FBLN2: variants seen among roughly 807,000 people sequenced by gnomAD.
The protein encoded by FBLN2 is fibulin 2, also known as fibulin-2.
A neutral mutation model predicts 123.7 loss-of-function variants in FBLN2; 81 were observed. The observed-to-expected ratio is 0.65, with a 90% CI of 0.55 to 0.79. The LOEUF (loss-of-function observed/expected upper bound fraction) is 0.79, where lower values mean the gene tolerates loss of function less well. Among genes scored for constraint, FBLN2 ranks in the 30% least tolerant of loss-of-function variants. The pLI is 0.00. For synonymous variants in FBLN2, 699 were observed against 701.4 expected (o/e 1.00, Z 0.05); for missense variants, 1,603 against 1,681.3 (o/e 0.95, Z 0.81).
Position 13,570,665 on chromosome 3 carries a change from G to T in FBLN2, c.310G>T (p.Gly104Cys). The T allele has an allele frequency of 6.3e-7, 1 of 1,584,070 alleles. No individual in the cohort carries two copies. The highest frequency in any genetic ancestry group is 1.8e-5 in the Admixed American group (1 of 56,446). ...GSTECSCPPG[G>C]GKISCQFMLC... ...CACTGAGTGCTCCTGCCCACCAGGC[G>T]GCGGCAAGATCAGCTGCCAGTTCAT... is the stretch of plus-strand genomic sequence containing the variant. The change falls in exon 2 of 18, where the codon GGC becomes TGC. Residue 104 changes from glycine to cysteine, a missense_variant. By Grantham distance (159) the Gly-to-Cys change is radical. Coordinates refer to ENST00000404922, the MANE Select transcript of FBLN2 (RefSeq NM_001004019.2).
intron 16 of FBLN2, among the ~76,000 whole-genome samples, chr3:13,634,224 C>T (rs1159310854): frequency 6.6e-6 from 1 of 152,230 alleles, no homozygotes; most frequent in East Asian, 1.9e-4. Flanking sequence ...CACTTTTGCA[C>T]ATCTGAGTTG....
chr3:13,571,709 A>C (rs1479008972), intron 2 of FBLN2, 48 bp downstream of exon 2: 2 of 1,478,538 alleles, frequency 1.4e-6, no homozygotes, highest in Non-Finnish European at 1.8e-6. Flanking sequence ...TGGGAAGGGC[A>C]GCCTTGGGCT....
At chr3:13,609,304 A>G (rs1016647349) in intron 3 of FBLN2, among the ~76,000 whole-genome samples, 5 of 152,286 alleles carry the variant, frequency 3.3e-5, no homozygotes, top group South Asian at 2.1e-4. Flanking sequence ...CACATCTCCG[A>G]GTCTAGTGGG....
chr3:13,567,157 G>A (rs549535632), intron 1 of FBLN2, among the ~76,000 whole-genome samples: 11 of 152,252 alleles, frequency 7.2e-5, no homozygotes, highest in Admixed American at 4.6e-4. Flanking sequence ...GGGCTGTGCC[G>A]GTGAGCAGAG....
intron 2 of FBLN2, among the ~76,000 whole-genome samples, chr3:13,573,533 C>G (rs1419188969): frequency 6.6e-6 from 1 of 152,166 alleles, no homozygotes; most frequent in Non-Finnish European, 1.5e-5. Context: ...AGGTCAGGGT[C>G]TCTGCTGGGT....
At chr3:13,568,963 G>C (rs1279729312) in intron 1 of FBLN2, 4 of 985,510 alleles carry the variant, frequency 4.1e-6, no homozygotes, top group African/African-American at 3.5e-5. Flanking sequence ...GACCACTGCT[G>C]TGGTAACGAG....
At chr3:13,625,839 A>G (rs1426871056) in intron 9 of FBLN2, among the ~76,000 whole-genome samples, 3 of 149,826 alleles carry the variant, frequency 2.0e-5, no homozygotes, top group Non-Finnish European at 4.4e-5. Context: ...GGCTCCCTCC[A>G]TTCCTCCTGC....
At position 13,622,379 on chromosome 3, in the gene FBLN2, A is replaced by G. The variant is rs952910804; in HGVS notation, c.2296+464A>G. 3.3e-5 allele frequency among the ~76,000 whole-genome samples: 5 copies of G among 152,122 alleles called. No individual in the cohort carries two copies. In the East Asian group the frequency reaches 7.7e-4, roughly 23 times the overall value. On this transcript the variant is annotated intron_variant, in intron 9 of 17. Transcript: ENST00000404922. Reference sequence around the variant, plus strand: ...GATCCTCTTTTGACGATTGTGTGACATGTATGTGGGGTAGCACAGAGCCTG... The same window carrying G: ...GATCCTCTTTTGACGATTGTGTGACGTGTATGTGGGGTAGCACAGAGCCTG...
chr3:13,555,385 T>G (rs1703434900), intron 1 of FBLN2, among the ~76,000 whole-genome samples: 1 of 152,134 alleles, frequency 6.6e-6, no homozygotes, highest in Non-Finnish European at 1.5e-5. Flanking sequence ...TTAGCCACCT[T>G]GTATGCCCTG....
intron 9 of FBLN2, among the ~76,000 whole-genome samples, chr3:13,625,304 C>T (rs1451033532): frequency 6.6e-6 from 1 of 152,142 alleles, no homozygotes; most frequent in Non-Finnish European, 1.5e-5. Flanking sequence ...CTCCCCACCT[C>T]CCTTATGCGT....
intron 2 of FBLN2, among the ~76,000 whole-genome samples, chr3:13,583,716 G>T (rs897685927): frequency 6.6e-6 from 1 of 152,250 alleles, no homozygotes; most frequent in East Asian, 1.9e-4. Context: ...ACATAAGGAC[G>T]TTTTGGTCAG....
intron 1 of FBLN2, among the ~76,000 whole-genome samples, chr3:13,568,472 A>T (rs996773329): frequency 2.0e-5 from 3 of 152,112 alleles, no homozygotes; most frequent in African/African-American, 7.2e-5. Context: ...GGTCCCTTGC[A>T]CTGGAGAGTC....
rs376602504 is a variant in FBLN2 at position 13,626,576 on chromosome 3, G to A, written c.2428G>A (p.Glu810Lys). ...PGYALKDGEC[E>K]DVDECAMGTH... ...CTATGCCCTCAAGGATGGCGAGTGC[G>A]AAGGTGAGAAGGGCCCAGAAGGACC... Residue 810 changes from glutamate (E) to lysine (K), a missense_variant, in exon 10 of 18, where the codon GAA (glutamate) becomes AAA (lysine). Transcript: ENST00000404922. 4.0e-5 allele frequency: 61 copies of A among 1,541,536 alleles called. No individual in the cohort carries two copies. Among genetic ancestry groups the A allele is most frequent in the African/African-American group, 1.6e-4 (12 of 72,922 alleles).
chr3:13,594,420 T>C (rs1222701093), intron 2 of FBLN2, among the ~76,000 whole-genome samples: 1 of 152,138 alleles, frequency 6.6e-6, no homozygotes, highest in Non-Finnish European at 1.5e-5. Flanking sequence ...TGGGCTTCTC[T>C]CTGTGCTCAG....
intron 1 of FBLN2, among the ~76,000 whole-genome samples, chr3:13,550,244 A>G (rs1175665867): frequency 2.0e-5 from 3 of 152,178 alleles, no homozygotes; most frequent in Non-Finnish European, 2.9e-5. Flanking sequence ...GCTGCTTACC[A>G]TGGGACCTGG....
chr3:13,567,555 AC>A (rs770297764), intron 1 of FBLN2, among the ~76,000 whole-genome samples: 10 of 152,268 alleles, frequency 6.6e-5, no homozygotes, highest in Non-Finnish European at 1.5e-4. Context: ...ACAGGGTTTC[AC>A]CACGTTGGCC....
At chr3:13,621,666 G>T in intron 8 of FBLN2, 109 bp from the exon 9 acceptor site, 2 of 1,247,510 alleles carry the variant, frequency 1.6e-6, no homozygotes, top group Admixed American at 4.2e-5. Flanking sequence ...GGAGGCCCCA[G>T]ACAGGCCCCT....
Position 13,562,922 on chromosome 3 carries a change from C to T in FBLN2, c.-41-7393C>T, listed in dbSNP as rs73814828. Among the ~76,000 whole-genome samples, 1,457 of 152,248 alleles carry T rather than the reference C, an allele frequency of 9.6e-3. 24 individuals are homozygous for T. Among genetic ancestry groups the T allele is most frequent in the African/African-American group, 0.033 (1,361 of 41,522 alleles). On this transcript the variant is annotated intron_variant, in intron 1 of 17. Transcript: ENST00000404922. ...TGTCTGGCTTATTCACCTAGCACAGCGTCCTCAGGGTTCATCTGTGTTGCA... is the reference window on the plus strand; with the variant it reads ...TGTCTGGCTTATTCACCTAGCACAGTGTCCTCAGGGTTCATCTGTGTTGCA...
rs1302503646 is a variant in FBLN2, at chr3:13,615,093, G to C, written c.1729+929G>C. ...TTCTTGTGCTGTAGCCACTGTTCCA[G>C]CTGCCATGTCCAGTCCCTGTCCCCT... On this transcript the variant is annotated intron_variant, in intron 5 of 17. Coordinates refer to ENST00000404922, the MANE Select transcript of FBLN2 (RefSeq NM_001004019.2). Among the ~76,000 whole-genome samples, 4 of 152,328 alleles carry C rather than the reference G, an allele frequency of 2.6e-5. No individual in the cohort carries two copies. The South Asian group carries it at 6.2e-4, about 24-fold the overall frequency.
Sources: gnomAD v4.1 joint callset for allele counts (sites outside exome capture counted in the v4.1 genomes callset) on GRCh38, gnomAD v4.1.1 for gene constraint, MANE v1.5 for transcripts, NCBI Gene and HGNC (gene_info 2026-07-23, HGNC 2026-07-21) for gene names.